SLC23A2: variants seen among roughly 807,000 people sequenced by gnomAD.
The protein encoded by SLC23A2 is solute carrier family 23 member 2.
A neutral mutation model predicts 73.3 loss-of-function variants in SLC23A2; 36 were observed. That is an observed-to-expected ratio of 0.49 (90% CI 0.38 to 0.65). SLC23A2 has a LOEUF of 0.65. SLC23A2 is among the 30% of genes least tolerant of loss of function. SLC23A2 has a pLI of 0.00. For missense variants in SLC23A2, 507 were observed against 841.6 expected (o/e 0.60, Z 4.92); for synonymous variants, 343 against 327.3 (o/e 1.05, Z -0.52).
intron 2 of SLC23A2, among the ~76,000 whole-genome samples, chr20:4,957,216 G>T (rs1421384739): frequency 6.6e-6 from 1 of 152,058 alleles, no homozygotes; most frequent in Non-Finnish European, 1.5e-5. Context: ...GTGCTTTGGG[G>T]GGCTTGAGTC....
intron 9 of SLC23A2, among the ~76,000 whole-genome samples, chr20:4,879,975 G>A (rs1351749433): frequency 6.6e-6 from 1 of 152,212 alleles, no homozygotes; most frequent in Non-Finnish European, 1.5e-5. Context: ...AAGATTGGAA[G>A]GAGTCTTACA....
At chr20:4,912,393 A>T (rs73893862) in intron 4 of SLC23A2, among the ~76,000 whole-genome samples, 6,558 of 152,194 alleles carry the variant, frequency 0.043, 249 homozygotes, top group African/African-American at 0.096. Context: ...TTTACTGCAC[A>T]TGTATCTGTA....
intron 13 of SLC23A2, among the ~76,000 whole-genome samples, chr20:4,865,001 A>G (rs1180358237): frequency 6.6e-6 from 1 of 152,230 alleles, no homozygotes; most frequent in Non-Finnish European, 1.5e-5. Context: ...CTTGTGTTCA[A>G]TGAATATTGA....
chr20:4,956,448 A>G (rs1428193996), intron 2 of SLC23A2, among the ~76,000 whole-genome samples: 1 of 152,238 alleles, frequency 6.6e-6, no homozygotes, highest in African/African-American at 2.4e-5. Context: ...CCTAAATGTA[A>G]GATTTTTAAA....
intron 3 of SLC23A2, among the ~76,000 whole-genome samples, chr20:4,918,442 C>T (rs1715365): frequency 0.46 from 70,425 of 151,950 alleles, 16,552 homozygotes; most frequent in East Asian, 0.65. Flanking sequence ...ATTGTATTTA[C>T]TGAGCAACGG....
chr20:4,872,879 C>T lies in SLC23A2; in HGVS notation c.1102+1057G>A, dbSNP rs1288206885. On this transcript the variant is annotated intron_variant, in intron 11 of 16. Coordinates refer to ENST00000338244, the MANE Select transcript of SLC23A2 (RefSeq NM_005116.6). This position sits in a 1 kb window ranked among gnomAD's most constrained non-coding sequence, Gnocchi z 4.4. ...AAGCGATTCTCCTGCCTCAGCCTCC[C>T]GAGTAGCTGGAATTACAGACACCCG... is the stretch of plus-strand genomic sequence containing the variant. Among the ~76,000 whole-genome samples the T allele has an allele frequency of 6.6e-6, 1 of 152,040 alleles. No individual in the cohort carries two copies.
chr20:4,889,933 C>CAA (rs1038740927), intron 6 of SLC23A2, among the ~76,000 whole-genome samples: 1 of 152,074 alleles, frequency 6.6e-6, no homozygotes, highest in Non-Finnish European at 1.5e-5. Context: ...TAAAAGTACT[C>CAA]AGAGTTGGGG....
upstream of SLC23A2, among the ~76,000 whole-genome samples, chr20:5,006,183 C>G (rs1298406794): frequency 1.3e-5 from 2 of 151,946 alleles, no homozygotes; most frequent in Non-Finnish European, 2.9e-5. Flanking sequence ...CTGCAATCTC[C>G]TCCCTCTGAG....
intron 9 of SLC23A2, among the ~76,000 whole-genome samples, chr20:4,882,650 C>T (rs1446090617): frequency 3.3e-5 from 5 of 152,126 alleles, no homozygotes. Flanking sequence ...CACTGTATGA[C>T]TCTGGGCAAA....
At chr20:5,008,715 C>T (rs1025334983) in intron 1 of SLC23A2, among the ~76,000 whole-genome samples, 1 of 151,980 alleles carries the variant, frequency 6.6e-6, no homozygotes, top group African/African-American at 2.4e-5. Context: ...CTTTGGGTGT[C>T]CTCCATATTT....
At chr20:5,001,690 C>T (rs967248927), upstream of SLC23A2, among the ~76,000 whole-genome samples, 4 of 151,526 alleles carry the variant, frequency 2.6e-5, no homozygotes, top group Non-Finnish European at 5.9e-5. Flanking sequence ...CCAGCCGTCC[C>T]CTTCCCGTTC....
chr20:4,927,901 C>T (rs1282313675), intron 3 of SLC23A2, among the ~76,000 whole-genome samples: 2 of 152,240 alleles, frequency 1.3e-5, no homozygotes, highest in South Asian at 2.1e-4. Context: ...CAATGGGAAG[C>T]GACCCACTGT....
chr20:4,863,952 T>C lies in SLC23A2; in HGVS notation c.1357-1045A>G, dbSNP rs972241540. Among the ~76,000 whole-genome samples, 1 of 152,134 alleles carries C rather than the reference T, an allele frequency of 6.6e-6. No homozygotes were observed. The highest frequency in any genetic ancestry group is 1.9e-4 in the East Asian group (1 of 5,174). ...CTTCTGTCTAGCCTGCTGTCACCAGTCATGGGTTGGGATGGCCCTCTGTGT... is the reference window on the plus strand; with the variant it reads ...CTTCTGTCTAGCCTGCTGTCACCAGCCATGGGTTGGGATGGCCCTCTGTGT... On this transcript the variant is annotated intron_variant, in intron 13 of 16. Coordinates refer to ENST00000338244, the MANE Select transcript of SLC23A2 (RefSeq NM_005116.6). The surrounding 1 kb of genome is among the most constrained non-coding windows in gnomAD (Gnocchi z 4.8).
Position 4,998,557 on chromosome 20 carries a change from G to T in SLC23A2, c.-282+2849C>A, listed in dbSNP as rs2122363937. 6.6e-6 allele frequency among the ~76,000 whole-genome samples: 1 copy of T among 152,080 alleles called. No individual in the cohort carries two copies. The highest frequency in any genetic ancestry group is 2.1e-4 in the South Asian group (1 of 4,808). Reference sequence around the variant, plus strand: ...ATGGTTCCCTACAGAAAGAATAAAAGCAAGCCCAGAGAACAACTGGAGGAA... The same window carrying T: ...ATGGTTCCCTACAGAAAGAATAAAATCAAGCCCAGAGAACAACTGGAGGAA... On this transcript the variant is annotated intron_variant, in intron 1 of 16. Transcript: ENST00000338244. This position sits in a 1 kb window ranked among gnomAD's most constrained non-coding sequence, Gnocchi z 4.1.
intron 2 of SLC23A2, among the ~76,000 whole-genome samples, chr20:4,968,261 C>G (rs994204135): frequency 1.3e-5 from 2 of 152,010 alleles, no homozygotes; most frequent in African/African-American, 2.4e-5. Context: ...GGCGGGAATC[C>G]CAAGAGAGAT....
At chr20:4,912,180 T>C (rs1340941316) in intron 4 of SLC23A2, among the ~76,000 whole-genome samples, 5 of 151,872 alleles carry the variant, frequency 3.3e-5, no homozygotes, top group South Asian at 2.1e-4. Context: ...CTGACCTCTA[T>C]GGTCACAAAG....
intron 5 of SLC23A2, among the ~76,000 whole-genome samples, chr20:4,900,111 T>G (rs944823065): frequency 2.0e-5 from 3 of 152,002 alleles, no homozygotes; most frequent in Admixed American, 6.6e-5. Context: ...GCTCAAGCGA[T>G]CCGCCTGCCT....
intron 9 of SLC23A2, among the ~76,000 whole-genome samples, chr20:4,877,338 C>T (rs1263207206): frequency 6.6e-6 from 1 of 152,080 alleles, no homozygotes; most frequent in African/African-American, 2.4e-5. Context: ...AAGCTACATG[C>T]ATGAGCATCA....
chr20:4,966,358 A>G (rs1486963741), intron 2 of SLC23A2, among the ~76,000 whole-genome samples: 1 of 152,178 alleles, frequency 6.6e-6, no homozygotes, highest in Non-Finnish European at 1.5e-5. Flanking sequence ...TTGGAAGTTG[A>G]AAACATATTG....
Sources: allele counts gnomAD v4.1 joint callset (sites outside exome capture counted in the v4.1 genomes callset), GRCh38; gene constraint gnomAD v4.1.1; non-coding constraint Gnocchi (gnomAD v3.1); transcripts MANE v1.5; gene names NCBI Gene and HGNC (gene_info 2026-07-23, HGNC 2026-07-21).